LRP1B: variants seen among roughly 807,000 people sequenced by gnomAD.
LRP1B encodes LDL receptor related protein 1B.
A neutral mutation model predicts 556.6 loss-of-function variants in LRP1B; 217 were observed. The ratio of observed to expected loss-of-function variants is 0.39; its 90% CI spans 0.35 to 0.44. LRP1B has a LOEUF of 0.44. Ranked by LOEUF, LRP1B falls within the 20% of genes least tolerant of loss-of-function variation. LRP1B has a pLI of 1.00. For synonymous variants in LRP1B, 2,047 were observed against 1,865.8 expected (o/e 1.10, Z -2.50); for missense variants, 5,053 against 5,620.8 (o/e 0.90, Z 3.23).
At chr2:141,808,201 C>T (rs1355994559) in intron 2 of LRP1B, among the ~76,000 whole-genome samples, 1 of 152,054 alleles carries the variant, frequency 6.6e-6, no homozygotes, top group Non-Finnish European at 1.5e-5. Context: ...TCACACAGTT[C>T]TATGGTGTTT....
chr2:140,681,619 A>T (rs1464458070), intron 41 of LRP1B, among the ~76,000 whole-genome samples: 1 of 152,190 alleles, frequency 6.6e-6, no homozygotes, highest in East Asian at 1.9e-4. Flanking sequence ...AAATAAGAAT[A>T]AAAATGATAA....
At chr2:140,274,684 T>G in intron 84 of LRP1B, 86 bp from the exon 85 acceptor site, 1 of 1,092,750 alleles carries the variant, frequency 9.2e-7, no homozygotes, top group Non-Finnish European at 1.3e-6. Context: ...CTTTCATTTA[T>G]TACTTAAAAA....
chr2:141,338,726 G>A (rs1187622984), intron 3 of LRP1B, among the ~76,000 whole-genome samples: 1 of 151,900 alleles, frequency 6.6e-6, no homozygotes, highest in Non-Finnish European at 1.5e-5. Flanking sequence ...TTATCTGTGG[G>A]GTCAGTTTTG....
At chr2:142,046,299 C>T (rs1337825495) in intron 1 of LRP1B, among the ~76,000 whole-genome samples, 1 of 151,942 alleles carries the variant, frequency 6.6e-6, no homozygotes, top group East Asian at 1.9e-4. Context: ...AAAGGACTTT[C>T]TGGATGCTGG....
intron 2 of LRP1B, among the ~76,000 whole-genome samples, chr2:141,756,917 G>A (rs1694342574): frequency 6.6e-6 from 1 of 151,982 alleles, no homozygotes; most frequent in Non-Finnish European, 1.5e-5. Context: ...ACACATAACT[G>A]TATATACATA....
intron 87 of LRP1B, among the ~76,000 whole-genome samples, chr2:140,245,844 C>T (rs1402716551): frequency 6.6e-6 from 1 of 151,390 alleles, no homozygotes; most frequent in Non-Finnish European, 1.5e-5. Flanking sequence ...ATGCTCATAG[C>T]TTCCCTATGG....
chr2:140,693,151 C>A (rs1686305414), intron 41 of LRP1B, among the ~76,000 whole-genome samples: 1 of 152,000 alleles, frequency 6.6e-6, no homozygotes, highest in African/African-American at 2.4e-5. Context: ...TTGGTAATAT[C>A]ATATTGTGTT....
intron 20 of LRP1B, among the ~76,000 whole-genome samples, chr2:140,935,503 A>G (rs1695176513): frequency 6.6e-6 from 1 of 152,110 alleles, no homozygotes; most frequent in Non-Finnish European, 1.5e-5. Context: ...AAAAGAGGGA[A>G]AAAAATCAAA....
chr2:140,397,079 T>C (rs1388350807), intron 66 of LRP1B, among the ~76,000 whole-genome samples: 1 of 152,218 alleles, frequency 6.6e-6, no homozygotes, highest in African/African-American at 2.4e-5. Context: ...ATATGGAAGA[T>C]TAGAAGACCT....
intron 1 of LRP1B, among the ~76,000 whole-genome samples, chr2:141,926,007 T>C (rs924193282): frequency 3.9e-5 from 6 of 152,322 alleles, no homozygotes; most frequent in Middle Eastern, 3.4e-3. Flanking sequence ...ATTGTAGTCA[T>C]TAGGTAAGTA....
At chr2:142,032,276 C>A (rs75853188) in intron 1 of LRP1B, among the ~76,000 whole-genome samples, 3,820 of 151,822 alleles carry the variant, frequency 0.025, 161 homozygotes, top group East Asian at 0.17. Flanking sequence ...ATGTGTTAAT[C>A]CCTCTATCCC....
chr2:140,626,391 A>G (rs484862), intron 41 of LRP1B, among the ~76,000 whole-genome samples: 104,491 of 151,720 alleles, frequency 0.69, 36,210 homozygotes, highest in African/African-American at 0.74. Flanking sequence ...TGATGTATCA[A>G]TATAGGTTAA....
chr2:141,045,471 C>T (rs550223864), intron 11 of LRP1B, among the ~76,000 whole-genome samples: 8 of 151,512 alleles, frequency 5.3e-5, no homozygotes, highest in African/African-American at 1.9e-4. Flanking sequence ...GAAAGAGCAT[C>T]TATCTTGTTC....
chr2:140,367,126 G>A (rs1005589343), intron 71 of LRP1B, among the ~76,000 whole-genome samples: 1 of 151,696 alleles, frequency 6.6e-6, no homozygotes, highest in Non-Finnish European at 1.5e-5. Flanking sequence ...GTTGAAAAAT[G>A]CTCATGATTG....
At chr2:140,593,495 T>C (rs140787785) in intron 43 of LRP1B, among the ~76,000 whole-genome samples, 1 of 152,340 alleles carries the variant, frequency 6.6e-6, no homozygotes, top group Non-Finnish European at 1.5e-5. Flanking sequence ...AATTATTTTC[T>C]GGATTTTTTT....
At chr2:141,683,158 G>A (rs1033911974) in intron 2 of LRP1B, among the ~76,000 whole-genome samples, 19 of 152,102 alleles carry the variant, frequency 1.2e-4, no homozygotes, top group Non-Finnish European at 7.4e-5. Context: ...TACTGGAAGT[G>A]GGGTGCTGCT....
intron 32 of LRP1B, among the ~76,000 whole-genome samples, chr2:140,778,611 A>G (rs1045477398): frequency 1.3e-5 from 2 of 152,200 alleles, no homozygotes; most frequent in African/African-American, 4.8e-5. Flanking sequence ...GTAAATGATT[A>G]ATTTGTAGTG....
intron 85 of LRP1B, among the ~76,000 whole-genome samples, chr2:140,272,258 A>AACACACAC (rs10654741): frequency 0.11 from 16,029 of 149,298 alleles, 917 homozygotes; most frequent in Middle Eastern, 0.17. Flanking sequence ...TGCACACACA[A>AACACACAC]ACACACACAC....
intron 2 of LRP1B, among the ~76,000 whole-genome samples, chr2:141,765,716 A>C (rs766964830): frequency 6.6e-6 from 1 of 152,206 alleles, no homozygotes; most frequent in Non-Finnish European, 1.5e-5. Context: ...CAAGCTGTTC[A>C]GTTTCAAAGG....
Sources: gnomAD v4.1 joint callset for allele counts (sites outside exome capture counted in the v4.1 genomes callset) on GRCh38, gnomAD v4.1.1 for gene constraint, MANE v1.5 for transcripts, NCBI Gene and HGNC (gene_info 2026-07-23, HGNC 2026-07-21) for gene names.